The following SLC25A17 variants were observed in gnomAD, a reference collection of about 807,000 sequenced individuals.
The protein encoded by SLC25A17 is peroxisomal membrane protein PMP34.
SLC25A17 carries 26 observed loss-of-function variants against 38.5 expected under a neutral mutation model. The ratio of observed to expected loss-of-function variants is 0.68; its 90% CI spans 0.50 to 0.94. SLC25A17 has a LOEUF of 0.94. SLC25A17 is among the 40% of genes least tolerant of loss of function. SLC25A17 has a pLI of 0.00. For missense variants in SLC25A17, 333 were observed against 372.7 expected (o/e 0.89, Z 0.88); for synonymous variants, 139 against 136.2 (o/e 1.02, Z -0.14).
chr22:40,794,610 TA>T, intron 2 of SLC25A17, 30 bp from the exon 3 acceptor site: 1 of 1,489,108 alleles, frequency 6.7e-7, no homozygotes, highest in Non-Finnish European at 9.1e-7. Context: ...ATGTTTATTT[TA>T]TTAATTAAAA....
intron 1 of SLC25A17, among the ~76,000 whole-genome samples, chr22:40,801,119 AATATATTACATATATATATATATATAT>A (rs1252871878): frequency 5.0e-5 from 6 of 119,890 alleles, no homozygotes; most frequent in African/African-American, 2.1e-4. Context: ...AAAAGAAAAA[AATATATTACATATATATATATATATAT>A]ATATATATAT....
intron 8 of SLC25A17, among the ~76,000 whole-genome samples, chr22:40,773,061 G>A (rs1361447836): frequency 6.6e-6 from 1 of 152,142 alleles, no homozygotes; most frequent in African/African-American, 2.4e-5. Context: ...CTAAGTGTCA[G>A]TTTCTTTAAA....
At chr22:40,790,340 C>CAAA (rs138301) in intron 4 of SLC25A17, among the ~76,000 whole-genome samples, 14 of 61,196 alleles carry the variant, frequency 2.3e-4, no homozygotes, top group African/African-American at 4.0e-4. Flanking sequence ...GACACAATCT[C>CAAA]AAAAAAAAAA....
chr22:40,783,772 C>G (rs1271104177), intron 4 of SLC25A17, among the ~76,000 whole-genome samples: 3 of 151,818 alleles, frequency 2.0e-5, no homozygotes, highest in Non-Finnish European at 2.9e-5. Context: ...GTGGCTCGAT[C>G]TCCGCTCACT....
At chr22:40,814,791 T>TATATATATATA (rs1568991013) in intron 1 of SLC25A17, among the ~76,000 whole-genome samples, 2 of 122,560 alleles carry the variant, frequency 1.6e-5, no homozygotes, top group African/African-American at 6.6e-5. Context: ...ATATATATAT[T>TATATATATATA]GTTGTTGTTG....
At chr22:40,811,803 C>T (rs916139021) in intron 1 of SLC25A17, among the ~76,000 whole-genome samples, 38 of 152,164 alleles carry the variant, frequency 2.5e-4, no homozygotes, top group African/African-American at 9.2e-4. Context: ...GATCTGCCCC[C>T]ATGACCCAAA....
intron 8 of SLC25A17, among the ~76,000 whole-genome samples, chr22:40,772,594 C>T (rs1217042160): frequency 2.6e-5 from 4 of 151,970 alleles, no homozygotes; most frequent in African/African-American, 4.8e-5. Context: ...TGAGCCACCA[C>T]GCCCAGCCTA....
intron 1 of SLC25A17, among the ~76,000 whole-genome samples, chr22:40,804,649 G>A (rs528647426): frequency 1.6e-4 from 25 of 152,108 alleles, no homozygotes; most frequent in Non-Finnish European, 3.2e-4. Context: ...TGCATAGTTT[G>A]CAAATAGTTT....
In SLC25A17 at chr22:40,781,249, C is replaced by CTT. The variant is rs374161295; in HGVS notation, c.335-2126_335-2125dup. 3.5e-3 allele frequency among the ~76,000 whole-genome samples: 496 copies of CTT among 143,660 alleles called. 3 individuals carry two copies. Among genetic ancestry groups the CTT allele is most frequent in the African/African-American group, 0.012 (467 of 39,466 alleles). 94.2% of individuals were successfully genotyped at this position (143,660 alleles called of 152,430 possible). ...CACAAGCAGAAAGACTAAAAGGATTCTTTTTTTTTTTTTTGAGACGGAGTC... is the reference window on the plus strand; with the variant it reads ...CACAAGCAGAAAGACTAAAAGGATTCTTTTTTTTTTTTTTTTGAGACGGAGTC... On this transcript the variant is annotated intron_variant, in intron 4 of 8. Transcript: ENST00000435456.
At chr22:40,778,721 C>CA (rs2057268497) in intron 5 of SLC25A17, among the ~76,000 whole-genome samples, 1 of 152,068 alleles carries the variant, frequency 6.6e-6, no homozygotes, top group South Asian at 2.1e-4. Context: ...CCAAAATAGA[C>CA]AAATGGGATC....
Position 40,792,561 on chromosome 22 carries a change from T to C in SLC25A17, c.298A>G (p.Thr100Ala), listed in dbSNP as rs761476127. The part of the protein sequence containing the change: ...KALWVKGQHS[T>A]TGKDLVVGFV... ...CCAACTACCAGATCTTTTCCAGTGGTAGAATGTTGACCTTTGACCCAGAGT... is the reference window on the plus strand; with the variant it reads ...CCAACTACCAGATCTTTTCCAGTGGCAGAATGTTGACCTTTGACCCAGAGT... Residue 100 changes from threonine to alanine, a missense_variant, in exon 4 of 9, where the codon ACC (threonine) becomes GCC (alanine). Thr to Ala is a moderately conservative substitution (Grantham distance 58, BLOSUM62 0). Transcript: ENST00000435456. The C allele has an allele frequency of 4.3e-6, 7 of 1,613,650 alleles. No individual in the cohort carries two copies. The highest frequency in any genetic ancestry group is 2.2e-5 in the South Asian group (2 of 90,962).
chr22:40,805,060 GA>G lies in SLC25A17; in HGVS notation c.55-5978del, dbSNP rs545699959. Among the ~76,000 whole-genome samples, 351 of 152,382 alleles carry G rather than the reference GA, an allele frequency of 2.3e-3. 3 individuals are homozygous for G. The highest frequency in any genetic ancestry group is 7.9e-3 in the African/African-American group (328 of 41,592). ...TTCTGAACAAAGCATTATTGGCTGG[GA>G]GCAGTGGCTCACGCCTGTAATCCTA... On this transcript the variant is annotated intron_variant, in intron 1 of 8. Transcript: ENST00000435456.
Position 40,794,375 on chromosome 22 carries a change from T to C in SLC25A17, c.182+139A>G, listed in dbSNP as rs6002138. On this transcript the variant is annotated intron_variant, in intron 3 of 8. Transcript: ENST00000435456. ...ATCTTTAAGAAACTGAAAACAATTA[T>C]GTACTTATAAATCAGGCAATTCCAA... 848 of 556,020 alleles carry C rather than the reference T, an allele frequency of 1.5e-3. 7 individuals carry two copies. The highest frequency in any genetic ancestry group is 0.013 in the African/African-American group (669 of 52,848). The allele number at this position is 556,020 out of a possible 1,614,324, so 34.4% of individuals were successfully genotyped here.
rs553861261 is a variant in SLC25A17, at chr22:40,789,125, C to A, written c.334+3400G>T. On this transcript the variant is annotated intron_variant, in intron 4 of 8. Transcript: ENST00000435456. This position sits in a 1 kb window ranked among gnomAD's most constrained non-coding sequence, Gnocchi z 4.5. Reference sequence around the variant, plus strand: ...CCATAATAAATGCCACTGGATATATCGGCTGGCAGATTATCTACCACTTGC... The same window carrying A: ...CCATAATAAATGCCACTGGATATATAGGCTGGCAGATTATCTACCACTTGC... 1.1e-5 allele frequency: 3 copies of A among 265,930 alleles called. No individual in the cohort carries two copies. The highest frequency in any genetic ancestry group is 3.9e-5 in the Admixed American group (1 of 25,530). 16.5% of individuals were successfully genotyped at this position (265,930 alleles called of 1,614,324 possible). A position where few individuals can be genotyped will look rare whatever the true frequency, so the allele number is the denominator to read the frequency against.
chr22:40,770,721 A>G lies in SLC25A17; in HGVS notation c.*113T>C, dbSNP rs955358457. ...GCACCCTTGGATGCTTTTCAAGCCA[A>G]TGAGGGTAACATTTGTGGTGGCAGG... On this transcript the variant is annotated 3_prime_UTR_variant, in exon 9 of 9. Transcript: ENST00000435456. The G allele has an allele frequency of 2.6e-6, 3 of 1,161,058 alleles. No homozygotes were observed. The highest frequency in any genetic ancestry group is 2.4e-5 in the Admixed American group (1 of 42,008). The allele number at this position is 1,161,058 out of a possible 1,614,324, so 71.9% of individuals were successfully genotyped here. A position where few individuals can be genotyped will look rare whatever the true frequency, so the allele number is the denominator to read the frequency against.
At position 40,816,607 on chromosome 22, in the gene SLC25A17, TTG is replaced by T. The variant is rs1247017431; in HGVS notation, c.54+2586_54+2587del. On this transcript the variant is annotated intron_variant, in intron 1 of 8. Transcript: ENST00000435456. ...TTTTTATTTATTCATTTATTTTTTATTGTTTTTTTTTTTTTTTCTTGAGACGG... is the reference window on the plus strand; with the variant it reads ...TTTTTATTTATTCATTTATTTTTTATTTTTTTTTTTTTTTTCTTGAGACGG... Among the ~76,000 whole-genome samples the T allele has an allele frequency of 3.8e-3, 357 of 93,944 alleles. 1 individual carries two copies. The highest frequency in any genetic ancestry group is 3.7e-3 in the Non-Finnish European group (175 of 47,492). 61.6% of individuals were successfully genotyped at this position (93,944 alleles called of 152,430 possible). A position where few individuals can be genotyped will look rare whatever the true frequency, so the allele number is the denominator to read the frequency against.
intron 4 of SLC25A17, among the ~76,000 whole-genome samples, chr22:40,786,631 T>A (rs2057340835): frequency 6.6e-6 from 1 of 152,242 alleles, no homozygotes; most frequent in Admixed American, 6.5e-5. Context: ...AAAGTCTACA[T>A]GTTCAGTATA....
At chr22:40,787,694 CTTCT>C (rs1051387422) in intron 4 of SLC25A17, among the ~76,000 whole-genome samples, 8 of 151,822 alleles carry the variant, frequency 5.3e-5, no homozygotes, top group Non-Finnish European at 7.4e-5. Context: ...GTTTTCTTTT[CTTCT>C]TTTTTTTTTA....
chr22:40,791,938 T>C (rs2145674470), intron 4 of SLC25A17, among the ~76,000 whole-genome samples: 1 of 152,298 alleles, frequency 6.6e-6, no homozygotes. Flanking sequence ...TACACATCCA[T>C]TTTCATAGCA....
Sources: gnomAD v4.1 joint callset for allele counts (sites outside exome capture counted in the v4.1 genomes callset) on GRCh38, gnomAD v4.1.1 for gene constraint, Gnocchi (gnomAD v3.1) non-coding constraint, MANE v1.5 for transcripts, NCBI Gene and HGNC (gene_info 2026-07-23, HGNC 2026-07-21) for gene names.